Variants in L3MBTL4 observed in about 807,000 individuals in gnomAD.
L3MBTL4 encodes the protein L3MBTL histone methyl-lysine binding protein 4, also known as lethal(3)malignant brain tumor-like protein 4.
L3MBTL4 carries 70 observed loss-of-function variants against 84.5 expected under a neutral mutation model. The observed-to-expected ratio is 0.83, with a 90% confidence interval of 0.68 to 1.01. The LOEUF is 1.01. L3MBTL4 is among the 50% of genes least tolerant of loss of function. The pLI, the probability that L3MBTL4 is intolerant of heterozygous loss-of-function variation, is 0.00. For synonymous variants in L3MBTL4, 274 were observed against 259.8 expected, an observed-to-expected ratio of 1.05 and a Z score of -0.52; for missense variants, 715 against 754.8, an observed-to-expected ratio of 0.95 and a Z score of 0.62.
rs116386698 is a variant in L3MBTL4, at chr18:6,109,162, T to C, written c.1200-15634A>G. On this transcript the variant is annotated intron_variant, in intron 14 of 18. Coordinates refer to ENST00000317931, the MANE Select transcript of L3MBTL4 (RefSeq NM_001330559.2). Reference sequence around the variant, plus strand: ...CTTTTTGGTTTTATAACATGCAGTCTCTTTCTCAATAGATCACATGATCTT... The same window carrying C: ...CTTTTTGGTTTTATAACATGCAGTCCCTTTCTCAATAGATCACATGATCTT... 4.0e-3 allele frequency among the ~76,000 whole-genome samples: 607 copies of C among 152,306 alleles called. 3 individuals are homozygous for C. Among genetic ancestry groups the C allele is most frequent in the African/African-American group, 0.014 (572 of 41,586 alleles).
At chr18:6,116,756 A>G (rs1258112129) in intron 14 of L3MBTL4, among the ~76,000 whole-genome samples, 3 of 152,230 alleles carry the variant, frequency 2.0e-5, no homozygotes, top group Non-Finnish European at 4.4e-5. Context: ...CCAAATAAAA[A>G]GGCATAATAC....
At chr18:6,361,741 T>C (rs1233583710) in intron 1 of L3MBTL4, among the ~76,000 whole-genome samples, 1 of 152,176 alleles carries the variant, frequency 6.6e-6, no homozygotes, top group Non-Finnish European at 1.5e-5. Context: ...GTTCCACAGA[T>C]GACCTCCAAA....
intron 16 of L3MBTL4, among the ~76,000 whole-genome samples, chr18:5,994,136 G>A (rs2053834601): frequency 6.6e-6 from 1 of 152,152 alleles, no homozygotes; most frequent in Admixed American, 6.5e-5. Context: ...GGGCATGCAG[G>A]TACTTCCTCT....
chr18:6,171,727 T>C (rs752205257), intron 13 of L3MBTL4, 101 bp downstream of exon 13: 7 of 624,216 alleles, frequency 1.1e-5, no homozygotes, highest in Non-Finnish European at 1.9e-5. Flanking sequence ...GCCTATGTGA[T>C]GTTTAGCTTT....
intron 16 of L3MBTL4, among the ~76,000 whole-genome samples, chr18:6,048,832 A>G (rs1325191775): frequency 2.0e-5 from 3 of 151,946 alleles, no homozygotes; most frequent in Non-Finnish European, 4.4e-5. Flanking sequence ...GGTACAGTGT[A>G]TACCTCCAGC....
chr18:6,175,001 C>G (rs1246961378), intron 12 of L3MBTL4, among the ~76,000 whole-genome samples: 2 of 151,286 alleles, frequency 1.3e-5, no homozygotes, highest in East Asian at 1.9e-4. Flanking sequence ...AGTGGTCAAA[C>G]AAAACCAACG....
At position 6,225,870 on chromosome 18, in the gene L3MBTL4, T is replaced by C. The variant is rs1484610630; in HGVS notation, c.785-10035A>G. Among the ~76,000 whole-genome samples, 3 of 151,738 alleles carry C rather than the reference T, an allele frequency of 2.0e-5. No individual in the cohort carries two copies. The East Asian group carries it at 5.8e-4, about 29-fold the overall frequency. On this transcript the variant is annotated intron_variant, in intron 10 of 18. Coordinates refer to ENST00000317931, the MANE Select transcript of L3MBTL4 (RefSeq NM_001330559.2). ...AACAGGAAACCTTTCAACCCAGAAT[T>C]ATATACCCAGCAAAAATGTCTGTAC...
chr18:6,240,248 C>T (rs1045845783), intron 8 of L3MBTL4, among the ~76,000 whole-genome samples: 1 of 151,954 alleles, frequency 6.6e-6, no homozygotes, highest in Admixed American at 6.6e-5. Context: ...TTTGAAGTTT[C>T]CAAATGCCAC....
chr18:6,207,596 G>A (rs768154596), intron 12 of L3MBTL4, among the ~76,000 whole-genome samples: 7 of 152,042 alleles, frequency 4.6e-5, no homozygotes, highest in Non-Finnish European at 8.8e-5. Context: ...GGAATTCATG[G>A]CTGACACTAA....
At chr18:6,127,090 C>A (rs1257003658) in intron 14 of L3MBTL4, among the ~76,000 whole-genome samples, 1 of 152,158 alleles carries the variant, frequency 6.6e-6, no homozygotes, top group African/African-American at 2.4e-5. Context: ...TTTGGGAACC[C>A]TTTTGAACAC....
chr18:6,399,815 T>C (rs2055437812), intron 1 of L3MBTL4: 1 of 152,204 alleles, frequency 6.6e-6, no homozygotes, highest in Non-Finnish European at 1.5e-5. Flanking sequence ...TCCCAAACCA[T>C]TTCTTCTATT....
chr18:6,062,353 C>T (rs1236768727), intron 16 of L3MBTL4, among the ~76,000 whole-genome samples: 1 of 152,034 alleles, frequency 6.6e-6, no homozygotes, highest in African/African-American at 2.4e-5. Context: ...ATTCTTATCA[C>T]TGCTCCTCTA....
intron 16 of L3MBTL4, among the ~76,000 whole-genome samples, chr18:6,071,840 AAGAG>A (rs376237326): frequency 3.7e-5 from 5 of 134,800 alleles, no homozygotes; most frequent in Middle Eastern, 3.7e-3. Context: ...AAGAAAGAGA[AAGAG>A]AGAGAGGGAG....
At position 6,122,041 on chromosome 18, in the gene L3MBTL4, C is replaced by T. The variant is rs1001131967; in HGVS notation, c.1199+16153G>A. Among the ~76,000 whole-genome samples the T allele has an allele frequency of 6.6e-5, 10 of 152,250 alleles. No homozygotes were observed. In the South Asian group the frequency reaches 2.1e-3, roughly 32 times the overall value. On this transcript the variant is annotated intron_variant, in intron 14 of 18. Transcript: ENST00000317931. ...ATTTAATTTAAAATCAGCTCTACCA[C>T]TTATGAGTTGTGCAGTGATGGGAAG...
chr18:6,303,183 T>C (rs991533638), intron 3 of L3MBTL4, among the ~76,000 whole-genome samples: 1 of 152,092 alleles, frequency 6.6e-6, no homozygotes, highest in African/African-American at 2.4e-5. Flanking sequence ...TGTAGTTCAG[T>C]GGCACAATCT....
At chr18:5,957,113 T>C (rs1190333870) in intron 18 of L3MBTL4, among the ~76,000 whole-genome samples, 1 of 152,214 alleles carries the variant, frequency 6.6e-6, no homozygotes, top group East Asian at 1.9e-4. Context: ...CTTTCAACTT[T>C]CCTGTATTTA....
chr18:6,373,790 A>AC (rs201848449), intron 1 of L3MBTL4, among the ~76,000 whole-genome samples: 4 of 151,872 alleles, frequency 2.6e-5, no homozygotes, highest in South Asian at 2.1e-4. Flanking sequence ...AAAAAAAAAA[A>AC]CCCACTTTAC....
chr18:6,063,671 T>C (rs2057310609), intron 16 of L3MBTL4, among the ~76,000 whole-genome samples: 1 of 152,128 alleles, frequency 6.6e-6, no homozygotes, highest in African/African-American at 2.4e-5. Context: ...AAATGTCTAT[T>C]CATGTCCTTT....
intron 12 of L3MBTL4, among the ~76,000 whole-genome samples, chr18:6,200,987 T>C (rs1046295393): frequency 2.6e-5 from 4 of 152,192 alleles, no homozygotes; most frequent in Non-Finnish European, 5.9e-5. Context: ...CTCACATTCA[T>C]TCCTTTCTCC....
Sources: gnomAD v4.1 joint callset for allele counts (sites outside exome capture counted in the v4.1 genomes callset) on GRCh38, gnomAD v4.1.1 for gene constraint, MANE v1.5 for transcripts, NCBI Gene and HGNC (gene_info 2026-07-23, HGNC 2026-07-21) for gene names.